HFM1: variants seen among roughly 807,000 people sequenced by gnomAD.
HFM1 encodes the protein probable ATP-dependent DNA helicase HFM1.
A neutral mutation model predicts 192.1 loss-of-function variants in HFM1; 169 were observed. That is an observed-to-expected ratio of 0.88 (90% confidence interval 0.78 to 1.00). The LOEUF is 1.00. Ranked by LOEUF, HFM1 falls within the 50% of genes least tolerant of loss-of-function variation. The pLI is 0.00. For synonymous variants in HFM1, 525 were observed against 537.8 expected, an observed-to-expected ratio of 0.98 and a Z score of 0.33; for missense variants, 1,661 against 1,668.0, an observed-to-expected ratio of 1.00 and a Z score of 0.07.
chr1:91,377,966 T>G (rs1318327199), intron 11 of HFM1, 59 bp downstream of exon 11: 7 of 1,447,780 alleles, frequency 4.8e-6, no homozygotes, highest in Non-Finnish European at 4.8e-6. Flanking sequence ...ATGATCAAGA[T>G]GACTAAATAT....
At position 91,347,477 on chromosome 1, in the gene HFM1, C is replaced by A. The variant is rs754548733; in HGVS notation, c.2207-1G>T. Reference sequence around the variant, plus strand: ...TCTTTGTTCAATCCAGATGCAAAACCTGCATGTCATGAAAAAGTAAAATAG... The same window carrying A: ...TCTTTGTTCAATCCAGATGCAAAACATGCATGTCATGAAAAAGTAAAATAG... On this transcript the variant is annotated splice_acceptor_variant, in intron 18 of 38. Coordinates refer to ENST00000370425, the MANE Select transcript of HFM1 (RefSeq NM_001017975.6). LOFTEE classifies it high-confidence loss of function. 3 of 1,581,720 alleles carry A rather than the reference C, an allele frequency of 1.9e-6. No individual in the cohort carries two copies. Among genetic ancestry groups the A allele is most frequent in the South Asian group, 1.2e-5 (1 of 85,414 alleles).
chr1:91,267,327 TAA>T (rs1202955559), intron 35 of HFM1, among the ~76,000 whole-genome samples: 1 of 152,296 alleles, frequency 6.6e-6, no homozygotes, highest in East Asian at 1.9e-4. Context: ...CAACTAGAAA[TAA>T]AAGTTATTTT....
chr1:91,402,842 T>C (rs1664445834), intron 1 of HFM1, among the ~76,000 whole-genome samples: 1 of 152,118 alleles, frequency 6.6e-6, no homozygotes, highest in South Asian at 2.1e-4. Flanking sequence ...ACTTGAATAC[T>C]TTCTTCCTAA....
chr1:91,347,330 T>C (rs1656272619), intron 19 of HFM1, 99 bp downstream of exon 19: 5 of 613,060 alleles, frequency 8.2e-6, no homozygotes, highest in African/African-American at 5.7e-5. Flanking sequence ...GTTTCCTTTT[T>C]AAAAAATGAT....
Position 91,276,721 on chromosome 1 carries a change from C to G in HFM1, c.3495G>C (p.Lys1165Asn). ...AAATTGTTGACTCTTTAATTTCTGA[C>G]TTCTGTGCAACTCCAATTTTACCTA... ...HDCCKIGVAQ[K>N]SEIKESTISS... Residue 1165 changes from lysine (K) to asparagine (N), a missense_variant, in exon 32 of 39, where the codon AAG (lysine) becomes AAC (asparagine). Physicochemically the swap from Lys to Asn is moderately conservative, Grantham distance 94. Coordinates refer to ENST00000370425, the MANE Select transcript of HFM1 (RefSeq NM_001017975.6). The G allele has an allele frequency of 3.9e-6, 6 of 1,526,636 alleles. No homozygotes were observed. The highest frequency in any genetic ancestry group is 5.3e-6 in the Non-Finnish European group (6 of 1,134,212). 94.6% of individuals were successfully genotyped at this position (1,526,636 alleles called of 1,614,324 possible).
chr1:91,388,406 T>C (rs1291777993), intron 4 of HFM1, among the ~76,000 whole-genome samples: 1 of 152,234 alleles, frequency 6.6e-6, no homozygotes, highest in African/African-American at 2.4e-5. Context: ...AGATGCCAAG[T>C]TGGTGTCAGA....
chr1:91,326,101 T>C (rs1652854251), intron 20 of HFM1, among the ~76,000 whole-genome samples: 1 of 152,048 alleles, frequency 6.6e-6, no homozygotes, highest in South Asian at 2.1e-4. Context: ...AAAAATGAAG[T>C]ACACCTATAA....
intron 4 of HFM1, among the ~76,000 whole-genome samples, chr1:91,391,951 A>C (rs1395799606): frequency 6.6e-6 from 1 of 152,298 alleles, no homozygotes; most frequent in South Asian, 2.1e-4. Context: ...TGAACAGACG[A>C]TTCTCAAAAG....
At chr1:91,287,148 T>C (rs1197663007) in intron 30 of HFM1, among the ~76,000 whole-genome samples, 1 of 152,154 alleles carries the variant, frequency 6.6e-6, no homozygotes, top group Non-Finnish European at 1.5e-5. Flanking sequence ...TCGAACTGGG[T>C]GGAGCCCACC....
At chr1:91,289,920 C>A (rs1298812054) in intron 30 of HFM1, among the ~76,000 whole-genome samples, 2 of 151,950 alleles carry the variant, frequency 1.3e-5, no homozygotes, top group Non-Finnish European at 2.9e-5. Context: ...AAATAATTTT[C>A]AGCCCAGAAT....
At chr1:91,383,821 C>CA (rs1480371279) in intron 6 of HFM1, among the ~76,000 whole-genome samples, 1 of 151,882 alleles carries the variant, frequency 6.6e-6, no homozygotes, top group Non-Finnish European at 1.5e-5. Context: ...ATTTTCACTA[C>CA]AAAAAAGAAG....
intron 36 of HFM1, among the ~76,000 whole-genome samples, chr1:91,264,515 G>A (rs1665538372): frequency 6.7e-6 from 1 of 148,488 alleles, no homozygotes; most frequent in African/African-American, 2.5e-5. Flanking sequence ...TGGGACTACA[G>A]GCGCCCGCCA....
chr1:91,302,104 C>T (rs1648865456), intron 30 of HFM1, among the ~76,000 whole-genome samples: 1 of 149,846 alleles, frequency 6.7e-6, no homozygotes, highest in African/African-American at 2.5e-5. Context: ...ACAACCCCAT[C>T]AAAAAGTGGT....
At chr1:91,310,763 C>T (rs281985) in intron 30 of HFM1, among the ~76,000 whole-genome samples, 74,885 of 152,018 alleles carry the variant, frequency 0.49, 19,315 homozygotes, top group African/African-American at 0.66. Context: ...CTCTTGCCGC[C>T]GCCATGTAAG....
chr1:91,380,271 T>C (rs756858814), intron 7 of HFM1, 35 bp from the exon 8 acceptor site: 3 of 1,328,328 alleles, frequency 2.3e-6, no homozygotes, highest in South Asian at 1.6e-5. Context: ...ATGTAACATA[T>C]AGACTTTTTC....
At position 91,273,741 on chromosome 1, in the gene HFM1, C is replaced by A. The variant is rs202193070; in HGVS notation, c.3743G>T (p.Arg1248Ile). Residue 1248 changes from arginine (R) to isoleucine (I), a missense_variant, in exon 34 of 39, where the codon AGA (arginine) becomes ATA (isoleucine). Transcript: ENST00000370425. ...WDQPEIYGKV[R>I]QEPSEYQDKE... ...GTCTTGATATTCAGATGGTTCTTGTCTAACTTTTCCATAGATTTCAGGCTG... is the reference window on the plus strand; with the variant it reads ...GTCTTGATATTCAGATGGTTCTTGTATAACTTTTCCATAGATTTCAGGCTG... The A allele has an allele frequency of 2.8e-5, 44 of 1,595,356 alleles. No individual in the cohort carries two copies.
intron 32 of HFM1, 70 bp downstream of exon 32, chr1:91,276,558 A>G (rs1283909280): frequency 5.8e-6 from 4 of 687,218 alleles, no homozygotes; most frequent in Non-Finnish European, 7.2e-6. Context: ...TACCTAATTG[A>G]CAGACAGAAC....
chr1:91,302,328 G>C (rs892593859), intron 30 of HFM1, among the ~76,000 whole-genome samples: 1 of 152,028 alleles, frequency 6.6e-6, no homozygotes, highest in African/African-American at 2.4e-5. Context: ...CTTTTACGCT[G>C]TTGGTGGGAC....
At chr1:91,274,878 C>A in intron 32 of HFM1, 69 bp from the exon 33 acceptor site, 3 of 684,010 alleles carry the variant, frequency 4.4e-6, no homozygotes, top group Admixed American at 2.5e-5. Flanking sequence ...ATGAGCCAAA[C>A]AACAAAATTC....
Sources: gnomAD v4.1 joint callset for allele counts (sites outside exome capture counted in the v4.1 genomes callset) on GRCh38, gnomAD v4.1.1 for gene constraint, MANE v1.5 for transcripts, NCBI Gene and HGNC (gene_info 2026-07-23, HGNC 2026-07-21) for gene names.